Variants in CAMK1D observed in about 807,000 individuals in gnomAD.
CAMK1D encodes the protein calcium/calmodulin dependent protein kinase ID, also known as calcium/calmodulin-dependent protein kinase type 1D.
In CAMK1D, 9 loss-of-function variants were observed where a neutral mutation model predicts 47.7. The observed-to-expected ratio is 0.19, with a 90% CI of 0.11 to 0.33. The LOEUF (loss-of-function observed/expected upper bound fraction) is 0.33, where lower values mean the gene tolerates loss of function less well. CAMK1D is among the 10% of genes least tolerant of loss of function. The pLI is 1.00. For synonymous variants in CAMK1D, 184 were observed against 184.9 expected (o/e 0.99, Z 0.04); for missense variants, 291 against 488.7 (o/e 0.60, Z 3.81).
chr10:12,768,073 A>G (rs536579379), intron 4 of CAMK1D, among the ~76,000 whole-genome samples: 1 of 152,128 alleles, frequency 6.6e-6, no homozygotes, highest in Non-Finnish European at 1.5e-5. Flanking sequence ...GGGTTTCGCC[A>G]TGTTGATCAG....
chr10:12,757,292 T>G (rs1462181586), intron 3 of CAMK1D, among the ~76,000 whole-genome samples: 2 of 152,176 alleles, frequency 1.3e-5, no homozygotes, highest in Non-Finnish European at 2.9e-5. Context: ...CATTTTAATT[T>G]ATTGATATAT....
intron 1 of CAMK1D, among the ~76,000 whole-genome samples, chr10:12,387,608 G>A (rs970186466): frequency 2.0e-5 from 3 of 149,142 alleles, no homozygotes; most frequent in Non-Finnish European, 3.0e-5. Context: ...CAAGGCTCAA[G>A]TGACCCTCCC....
intron 3 of CAMK1D, among the ~76,000 whole-genome samples, chr10:12,672,119 G>A (rs1389373070): frequency 6.6e-6 from 1 of 151,708 alleles, no homozygotes; most frequent in Non-Finnish European, 1.5e-5. Flanking sequence ...GTTTCACCAT[G>A]TTGGCCAGGA....
intron 1 of CAMK1D, among the ~76,000 whole-genome samples, chr10:12,551,778 G>C (rs1836591490): frequency 6.6e-6 from 1 of 152,160 alleles, no homozygotes; most frequent in Admixed American, 6.6e-5. Context: ...TAATGCACTT[G>C]AGTCATCCCA....
rs181039038 is a variant in CAMK1D, at chr10:12,818,705, G to A, written c.833+2377G>A. ...AAAAATAAGGTAAATTAACTTAGCCGAGACTACACAGCTAGCTAATAGCAA... is the reference window on the plus strand; with the variant it reads ...AAAAATAAGGTAAATTAACTTAGCCAAGACTACACAGCTAGCTAATAGCAA... On this transcript the variant is annotated intron_variant, in intron 8 of 10. Coordinates refer to ENST00000619168, the MANE Select transcript of CAMK1D (RefSeq NM_153498.4). Among the ~76,000 whole-genome samples, 290 of 115,220 alleles carry A rather than the reference G, an allele frequency of 2.5e-3. 3 individuals carry two copies. The Middle Eastern group carries it at 0.07, about 28-fold the overall frequency. The allele number at this position is 115,220 out of a possible 152,430, so 75.6% of individuals were successfully genotyped here.
chr10:12,387,396 AT>A (rs1239842000), intron 1 of CAMK1D, among the ~76,000 whole-genome samples: 497 of 43,150 alleles, frequency 0.012, 6 homozygotes, highest in African/African-American at 0.026. Flanking sequence ...TATATTATAT[AT>A]TTTTATATAT....
At chr10:12,796,040 A>G (rs527941907) in intron 6 of CAMK1D, among the ~76,000 whole-genome samples, 3 of 152,308 alleles carry the variant, frequency 2.0e-5, no homozygotes, top group East Asian at 1.9e-4. Context: ...TCACAGATCA[A>G]TCTTGATTCT....
chr10:12,365,226 G>A (rs1042683388), intron 1 of CAMK1D, among the ~76,000 whole-genome samples: 4 of 152,072 alleles, frequency 2.6e-5, no homozygotes, highest in African/African-American at 9.7e-5. Context: ...AAAGTTCTGG[G>A]ATTACAGGTG....
chr10:12,660,015 CTT>C (rs1840231112), intron 2 of CAMK1D, among the ~76,000 whole-genome samples: 2 of 152,322 alleles, frequency 1.3e-5, no homozygotes, highest in South Asian at 4.1e-4. Flanking sequence ...CAGTTTCACT[CTT>C]GTCTCTCCCT....
intron 2 of CAMK1D, among the ~76,000 whole-genome samples, chr10:12,586,508 T>C (rs1837823426): frequency 6.7e-6 from 1 of 149,310 alleles, no homozygotes; most frequent in Admixed American, 6.7e-5. Context: ...ACACGAAAAG[T>C]TAGCTTTATC....
At chr10:12,443,353 G>A (rs1832838118) in intron 1 of CAMK1D, among the ~76,000 whole-genome samples, 1 of 152,138 alleles carries the variant, frequency 6.6e-6, no homozygotes, top group South Asian at 2.1e-4. Context: ...GGTGACACAG[G>A]AGGGGACAGA....
chr10:12,695,632 C>T (rs2130699192), intron 3 of CAMK1D, among the ~76,000 whole-genome samples: 1 of 152,204 alleles, frequency 6.6e-6, no homozygotes, highest in South Asian at 2.1e-4. Context: ...GAAAAAGTGC[C>T]CACAGATCTC....
At position 12,615,592 on chromosome 10, in the gene CAMK1D, TA is replaced by T. The variant is rs527817696; in HGVS notation, c.225-51143del. ...GTGTGTGTGCGTGTGTGTAGGTGTG[TA>T]TTGTGTTTGCAAGTATGTATACGTA... On this transcript the variant is annotated intron_variant, in intron 2 of 10. Transcript: ENST00000619168. 6.4e-4 allele frequency among the ~76,000 whole-genome samples: 9 copies of T among 14,126 alleles called. 1 individual carries two copies. Among genetic ancestry groups the T allele is most frequent in the East Asian group, 0.05 (1 of 20 alleles). 9.3% of individuals were successfully genotyped at this position (14,126 alleles called of 152,430 possible).
intron 1 of CAMK1D, among the ~76,000 whole-genome samples, chr10:12,419,028 A>G (rs1004691697): frequency 5.3e-5 from 8 of 152,282 alleles, no homozygotes; most frequent in Admixed American, 4.6e-4. Flanking sequence ...GACTTTCCCT[A>G]TTGAATGAAC....
At chr10:12,493,651 G>A (rs935713716) in intron 1 of CAMK1D, among the ~76,000 whole-genome samples, 2 of 152,036 alleles carry the variant, frequency 1.3e-5, no homozygotes, top group African/African-American at 4.8e-5. Context: ...GTGCCACCAC[G>A]CCTGGCTAAT....
chr10:12,693,172 T>A (rs1448251889), intron 3 of CAMK1D, among the ~76,000 whole-genome samples: 1 of 152,114 alleles, frequency 6.6e-6, no homozygotes, highest in Non-Finnish European at 1.5e-5. Flanking sequence ...AAGACTAGCC[T>A]GGCCAACATG....
intron 1 of CAMK1D, among the ~76,000 whole-genome samples, chr10:12,469,232 T>A (rs1475422575): frequency 1.3e-5 from 2 of 152,088 alleles, no homozygotes; most frequent in African/African-American, 2.4e-5. Flanking sequence ...TTGTTTCTAT[T>A]TAGGGAGAGA....
At chr10:12,454,526 C>T (rs1378646228) in intron 1 of CAMK1D, among the ~76,000 whole-genome samples, 1 of 151,524 alleles carries the variant, frequency 6.6e-6, no homozygotes, top group Non-Finnish European at 1.5e-5. Context: ...TGCCGTGGCA[C>T]AGCATAGCTC....
chr10:12,364,617 T>TA (rs11299137), intron 1 of CAMK1D, among the ~76,000 whole-genome samples: 185 of 148,880 alleles, frequency 1.2e-3, no homozygotes, highest in African/African-American at 3.2e-3. Flanking sequence ...TGACTGATGT[T>TA]AAAAAAAAAA....
Sources: gnomAD v4.1 joint callset for allele counts (sites outside exome capture counted in the v4.1 genomes callset) on GRCh38, gnomAD v4.1.1 for gene constraint, MANE v1.5 for transcripts, NCBI Gene and HGNC (gene_info 2026-07-23, HGNC 2026-07-21) for gene names.